SAP130: variants seen among roughly 807,000 people sequenced by gnomAD.
The protein encoded by SAP130 is Sin3A associated protein 130.
In SAP130, 16 loss-of-function variants were observed where a neutral mutation model predicts 103.2. The ratio of observed to expected loss-of-function variants is 0.16; its 90% CI spans 0.10 to 0.24. SAP130 has a LOEUF of 0.24. SAP130 is among the 10% of genes least tolerant of loss of function. SAP130 has a pLI of 1.00. For missense variants in SAP130, 990 were observed against 1,359.7 expected, an observed-to-expected ratio of 0.73 and a Z score of 4.28; for synonymous variants, 477 against 497.0, an observed-to-expected ratio of 0.96 and a Z score of 0.53.
intron 15 of SAP130, among the ~76,000 whole-genome samples, chr2:127,968,482 C>T (rs1306542006): frequency 2.1e-5 from 3 of 145,880 alleles, no homozygotes; most frequent in East Asian, 2.1e-4. Context: ...GAGCAGAGAT[C>T]GCACCACCGC....
rs780316794 is a variant in SAP130 at position 127,950,260 on chromosome 2, A to G, written c.2571T>C (p.Gly857=). 3.7e-6 allele frequency: 6 copies of G among 1,613,950 alleles called. No homozygotes were observed. Among genetic ancestry groups the G allele is most frequent in the Non-Finnish European group, 5.1e-6 (6 of 1,180,032 alleles). Residue 857 remains glycine, a synonymous_variant, in exon 17 of 21, where the codon GGT becomes GGC. Transcript: ENST00000643581. ...KQQHVISTEE[G]DMMETNSTDD... is the part of the protein sequence containing the mutation. ...CAGTGCTGTTTGTCTCCATCATGTC[A>G]CCTTCTTCTGTTGAGATCACATGCT...
At chr2:128,010,179 T>C in intron 7 of SAP130, 90 bp downstream of exon 7, 1 of 1,365,534 alleles carries the variant, frequency 7.3e-7, no homozygotes, top group South Asian at 1.4e-5. Context: ...AGCCACTCAA[T>C]AAATATTTAC....
At position 127,953,879 on chromosome 2, in the gene SAP130, T is replaced by C. The variant is rs758216961; in HGVS notation, c.2422+1107A>G. Among the ~76,000 whole-genome samples, 8 of 152,172 alleles carry C rather than the reference T, an allele frequency of 5.3e-5. No homozygotes were observed. Among genetic ancestry groups the C allele is most frequent in the African/African-American group, 1.7e-4 (7 of 41,428 alleles). The stretch of plus-strand genomic sequence containing the variant: ...ATAGAACTTATCACCCAAACATATA[T>C]ATACATACATACATACATATATAAT... On this transcript the variant is annotated intron_variant, in intron 16 of 20. Transcript: ENST00000643581. This position sits in a 1 kb window ranked among gnomAD's most constrained non-coding sequence, Gnocchi z 4.0.
chr2:127,971,774 G>A (rs1326739548), intron 15 of SAP130, among the ~76,000 whole-genome samples: 1 of 152,054 alleles, frequency 6.6e-6, no homozygotes, highest in East Asian at 1.9e-4. Context: ...TCATAGAGGT[G>A]GTTATTTTGT....
Position 127,942,129 on chromosome 2 carries a change from T to C in SAP130, c.3051A>G (p.Gln1017=), listed in dbSNP as rs140784554. Reference sequence around the variant, plus strand: ...GCATGGAGTCTCTGGCTTCACTGATTTGATCCATCACAAGTTTACACCTCT... The same window carrying C: ...GCATGGAGTCTCTGGCTTCACTGATCTGATCCATCACAAGTTTACACCTCT... ...NMQRCKLVMD[Q]ISEARDSMLK... is the part of the protein sequence containing the mutation. Residue 1017 remains glutamine, a synonymous_variant, in exon 21 of 21, where the codon CAA becomes CAG. Transcript: ENST00000643581. The surrounding 1 kb of genome is among the most constrained non-coding windows in gnomAD (Gnocchi z 4.8). The C allele has an allele frequency of 6.9e-6, 11 of 1,602,170 alleles. No homozygotes were observed. In the African/African-American group the frequency reaches 1.5e-4, roughly 22 times the overall value.
chr2:127,988,057 T>C (rs1304664676), intron 13 of SAP130, among the ~76,000 whole-genome samples: 1 of 152,088 alleles, frequency 6.6e-6, no homozygotes, highest in Non-Finnish European at 1.5e-5. Context: ...ATCATAGACA[T>C]TTAGTTTAGT....
chr2:128,005,683 G>A (rs1252961449), intron 7 of SAP130, among the ~76,000 whole-genome samples: 2 of 148,202 alleles, frequency 1.3e-5, no homozygotes, highest in Non-Finnish European at 3.0e-5. Flanking sequence ...GTCTCGCTCT[G>A]TTGCCCAGGC....
chr2:127,986,879 C>G lies in SAP130; in HGVS notation c.1864G>C (p.Val622Leu). Residue 622 changes from valine (V) to leucine (L), a missense_variant, in exon 14 of 21, where the codon GTG becomes CTG. By Grantham distance (32) the Val-to-Leu change is conservative. Transcript: ENST00000643581. The surrounding 1 kb of genome is among the most constrained non-coding windows in gnomAD (Gnocchi z 4.7). ...FSAAPAATTV[V>L]QTHSQSASTN... is the part of the protein sequence containing the mutation. The stretch of plus-strand genomic sequence containing the variant: ...CTAGCACTCTGGCTGTGGGTCTGCA[C>G]CACGGTTGTTGCTGCTGGAGCAGCA... The G allele has an allele frequency of 6.2e-7, 1 of 1,614,238 alleles. No individual in the cohort carries two copies. Among genetic ancestry groups the G allele is most frequent in the African/African-American group, 1.3e-5 (1 of 75,060 alleles).
intron 4 of SAP130, 136 bp downstream of exon 4, chr2:128,016,253 A>G (rs1684767831): frequency 3.5e-6 from 3 of 866,854 alleles, no homozygotes; most frequent in Non-Finnish European, 5.3e-6. Context: ...CAAACCTACT[A>G]TCTTCACTTG....
intron 15 of SAP130, among the ~76,000 whole-genome samples, chr2:127,962,227 G>C (rs1432265988): frequency 6.6e-6 from 1 of 152,134 alleles, no homozygotes; most frequent in African/African-American, 2.4e-5. Context: ...GGTAAACGTT[G>C]ATGTCTCAGT....
rs573546156 is a variant in SAP130 at position 128,014,224 on chromosome 2, G to A, written c.619+579C>T. Among the ~76,000 whole-genome samples the A allele has an allele frequency of 3.2e-3, 457 of 141,586 alleles. 4 individuals carry two copies. Among genetic ancestry groups the A allele is most frequent in the African/African-American group, 0.01 (384 of 36,814 alleles). The allele number at this position is 141,586 out of a possible 152,430, so 92.9% of individuals were successfully genotyped here. On this transcript the variant is annotated intron_variant, in intron 5 of 20. Coordinates refer to ENST00000643581, the MANE Select transcript of SAP130 (RefSeq NM_001330301.2). ...TCTAAGTTTATTTCTACTGTCTTGC[G>A]ATTTTTTTTCTTTTTCTTGAGACAG...
At chr2:127,944,454 G>A (rs1678925806) in intron 19 of SAP130, among the ~76,000 whole-genome samples, 1 of 151,886 alleles carries the variant, frequency 6.6e-6, no homozygotes, top group South Asian at 2.1e-4. Context: ...CCCCGAGAGG[G>A]AGTTTTGCTC....
At chr2:127,950,139 A>T in intron 17 of SAP130, 21 bp downstream of exon 17, 1 of 1,613,890 alleles carries the variant, frequency 6.2e-7, no homozygotes, top group Non-Finnish European at 8.5e-7. Context: ...ATCATAACAC[A>T]AGTCAGCCTG....
chr2:127,944,083 G>A (rs1246221270), intron 19 of SAP130, among the ~76,000 whole-genome samples: 1 of 152,076 alleles, frequency 6.6e-6, no homozygotes, highest in Admixed American at 6.6e-5. Context: ...CCAGGATGGA[G>A]TGCAGTGGTG....
chr2:128,015,386 A>G (rs539186528), intron 4 of SAP130, among the ~76,000 whole-genome samples: 8 of 152,248 alleles, frequency 5.3e-5, no homozygotes, highest in Admixed American at 2.0e-4. Flanking sequence ...TGTCCCTTAC[A>G]TTCTCCCAAA....
Position 127,989,637 on chromosome 2 carries a change from G to C in SAP130, c.1707C>G (p.Thr569=), listed in dbSNP as rs745649622. 1.7e-5 allele frequency: 28 copies of C among 1,614,052 alleles called. No homozygotes were observed. The highest frequency in any genetic ancestry group is 2.3e-5 in the Non-Finnish European group (27 of 1,180,050). ...GCTGAAGCCCTTGTGTGTTGATTGG[G>C]GTTGCTGAGTGAATTCCCTGTGTGC... ...PLGTQGIHSA[T]PINTQGLQPA... The change falls in exon 13 of 21, where the codon ACC becomes ACG. Residue 569 remains threonine (T), a synonymous_variant. Transcript: ENST00000643581. The surrounding 1 kb of genome is among the most constrained non-coding windows in gnomAD (Gnocchi z 4.6).
chr2:128,027,169 C>A (rs1224269947), intron 1 of SAP130: 3 of 1,273,036 alleles, frequency 2.4e-6, no homozygotes, highest in Non-Finnish European at 3.0e-6. Flanking sequence ...CCCATCTCGG[C>A]GGCGGCGATG....
rs960550262 is a variant in SAP130 at position 127,948,535 on chromosome 2, T to A, written c.2797+1334A>T. 1.3e-5 allele frequency among the ~76,000 whole-genome samples: 2 copies of A among 151,746 alleles called. 1 individual carries two copies. The highest frequency in any genetic ancestry group is 4.2e-4 in the South Asian group (2 of 4,790). ...TTTTGTGTTTTTAGTAGAGACAGGG[T>A]TTTACCATGTTGGCCAGGCTGATTT... On this transcript the variant is annotated intron_variant, in intron 18 of 20. Coordinates refer to ENST00000643581, the MANE Select transcript of SAP130 (RefSeq NM_001330301.2).
At position 128,015,941 on chromosome 2, in the gene SAP130, A is replaced by AAG. The variant is rs374298179; in HGVS notation, c.507+447_507+448insCT. Among the ~76,000 whole-genome samples, 6 of 72,332 alleles carry AAG rather than the reference A, an allele frequency of 8.3e-5. No homozygotes were observed. In the East Asian group the frequency reaches 1.6e-3, roughly 19 times the overall value. 47.5% of individuals were successfully genotyped at this position (72,332 alleles called of 152,430 possible). A position where few individuals can be genotyped will look rare whatever the true frequency, so the allele number is the denominator to read the frequency against. ...GGGTGACACCGTGAGATTCTGTCTC[A>AAG]AAAAAAAAAAAAAAAAAGTTTGGAA... On this transcript the variant is annotated intron_variant, in intron 4 of 20. Transcript: ENST00000643581.
Sources: gnomAD v4.1 joint callset for allele counts (sites outside exome capture counted in the v4.1 genomes callset) on GRCh38, gnomAD v4.1.1 for gene constraint, Gnocchi (gnomAD v3.1) non-coding constraint, MANE v1.5 for transcripts, NCBI Gene and HGNC (gene_info 2026-07-23, HGNC 2026-07-21) for gene names.